C4orf17: variants seen among roughly 807,000 people sequenced by gnomAD.
C4orf17 encodes the protein chromosome 4 open reading frame 17.
Under a neutral mutation model 32.0 loss-of-function variants are expected in C4orf17, and 25 were observed. That is an observed-to-expected ratio of 0.78 (90% CI 0.57 to 1.09). C4orf17 has a LOEUF of 1.09. Among genes scored for constraint, C4orf17 ranks in the 50% least tolerant of loss-of-function variants. The pLI is 0.00. For synonymous variants in C4orf17, 149 were observed against 145.8 expected, an observed-to-expected ratio of 1.02 and a Z score of -0.16; for missense variants, 420 against 420.0, an observed-to-expected ratio of 1.00 and a Z score of 0.00.
chr4:99,513,498 G>A (rs1723129356), intron 2 of C4orf17, among the ~76,000 whole-genome samples: 1 of 152,140 alleles, frequency 6.6e-6, no homozygotes, highest in Non-Finnish European at 1.5e-5. Flanking sequence ...GACCACTCAG[G>A]GAGCTCAGGG....
chr4:99,513,218 C>A lies in C4orf17; in HGVS notation c.127+10C>A. Reference sequence around the variant, plus strand: ...GTCTGCCACATCAAAGGTAAGGTGACTTAAGGTCCTAGTATGTGTCTCTAT... The same window carrying A: ...GTCTGCCACATCAAAGGTAAGGTGAATTAAGGTCCTAGTATGTGTCTCTAT... On this transcript the variant is annotated intron_variant, in intron 2 of 8. Transcript: ENST00000326581. The A allele has an allele frequency of 6.2e-7, 1 of 1,613,670 alleles. No homozygotes were observed. The highest frequency in any genetic ancestry group is 8.5e-7 in the Non-Finnish European group (1 of 1,179,674).
chr4:99,529,792 G>A (rs778119354), intron 4 of C4orf17, 23 bp from the exon 5 acceptor site: 2 of 1,578,350 alleles, frequency 1.3e-6, no homozygotes, highest in African/African-American at 1.4e-5. Flanking sequence ...ATGTATATTG[G>A]TTATATTATA....
intron 2 of C4orf17, among the ~76,000 whole-genome samples, chr4:99,520,377 G>A (rs1723266411): frequency 6.6e-6 from 1 of 152,106 alleles, no homozygotes; most frequent in South Asian, 2.1e-4. Flanking sequence ...TTACAGGCGT[G>A]AGCCACCGCA....
intron 1 of C4orf17, among the ~76,000 whole-genome samples, chr4:99,511,555 C>G (rs113227503): frequency 0.048 from 7,362 of 151,906 alleles, 307 homozygotes; most frequent in Middle Eastern, 0.13. Context: ...AATAGACAAA[C>G]AGACTGAAAT....
At chr4:99,540,557 A>G (rs1477658229) in intron 8 of C4orf17, 102 bp downstream of exon 8, 3 of 725,148 alleles carry the variant, frequency 4.1e-6, no homozygotes, top group Non-Finnish European at 4.8e-6. Context: ...TTAAAAAAAC[A>G]GAAAAATACA....
Position 99,537,765 on chromosome 4 carries a change from T to C in C4orf17, c.628+15T>C, listed in dbSNP as rs914499026. ...AACTTCAAAAGGTGCGATTAAGATA[T>C]AAATTTTAAAACACTGAGCTCAATT... On this transcript the variant is annotated intron_variant, in intron 6 of 8. Transcript: ENST00000326581. 3.1e-6 allele frequency: 5 copies of C among 1,587,398 alleles called. No individual in the cohort carries two copies. Among genetic ancestry groups the C allele is most frequent in the African/African-American group, 1.3e-5 (1 of 74,474 alleles).
intron 3 of C4orf17, among the ~76,000 whole-genome samples, chr4:99,524,134 C>T (rs544329148): frequency 3.5e-4 from 53 of 152,022 alleles, no homozygotes; most frequent in East Asian, 7.7e-4. Flanking sequence ...CGCCCGCCAC[C>T]ACGCCCGGCT....
At chr4:99,519,340 G>A (rs1433817780) in intron 2 of C4orf17, 1 of 152,266 alleles carries the variant, frequency 6.6e-6, no homozygotes, top group Admixed American at 6.5e-5. Flanking sequence ...GGAGCTGAGA[G>A]CCTAGGTGCT....
In C4orf17 at chr4:99,535,417, C is replaced by T. The variant is rs191920989; in HGVS notation, c.547-2252C>T. On this transcript the variant is annotated intron_variant, in intron 5 of 8. Coordinates refer to ENST00000326581, the MANE Select transcript of C4orf17 (RefSeq NM_032149.3). ...TCTTTTTACATAATCCCACATTTCTCGGAGGTTTTGCTTATTCCTTTTCAT... is the reference window on the plus strand; with the variant it reads ...TCTTTTTACATAATCCCACATTTCTTGGAGGTTTTGCTTATTCCTTTTCAT... Among the ~76,000 whole-genome samples, 910 of 152,084 alleles carry T rather than the reference C, an allele frequency of 6.0e-3. 6 individuals are homozygous for T. Among genetic ancestry groups the T allele is most frequent in the African/African-American group, 0.019 (809 of 41,496 alleles).
chr4:99,540,015 T>C (rs1424329631), intron 7 of C4orf17, among the ~76,000 whole-genome samples: 1 of 152,134 alleles, frequency 6.6e-6, no homozygotes, highest in East Asian at 1.9e-4. Flanking sequence ...GAAAATCTTG[T>C]TGCTTTAAAA....
At chr4:99,523,976 CTTTTTT>C (rs34303512) in intron 3 of C4orf17, among the ~76,000 whole-genome samples, 3,530 of 114,144 alleles carry the variant, frequency 0.031, 97 homozygotes, top group Middle Eastern at 0.11. Flanking sequence ...AAAATATATA[CTTTTTT>C]TTTTTTTTTT....
In C4orf17 at chr4:99,522,351, T is replaced by TC; in HGVS notation, c.128-149_128-148insC. 8 of 643,398 alleles carry TC rather than the reference T, an allele frequency of 1.2e-5. No individual in the cohort carries two copies. The South Asian group carries it at 1.4e-4, about 11-fold the overall frequency. The allele number at this position is 643,398 out of a possible 1,614,324, so 39.9% of individuals were successfully genotyped here. A position where few individuals can be genotyped will look rare whatever the true frequency, so the allele number is the denominator to read the frequency against. On this transcript the variant is annotated intron_variant, in intron 2 of 8. Coordinates refer to ENST00000326581, the MANE Select transcript of C4orf17 (RefSeq NM_032149.3). ...CTTGCACTGGTTCATAATACAATTT[T>TC]TTTTTTTGGTTTATACAATTTGAAG... is the stretch of plus-strand genomic sequence containing the variant.
intron 1 of C4orf17, among the ~76,000 whole-genome samples, chr4:99,511,965 G>A (rs1723100435): frequency 6.6e-6 from 1 of 152,032 alleles, no homozygotes; most frequent in Non-Finnish European, 1.5e-5. Flanking sequence ...ATATTCTGTG[G>A]CAACAAGTCT....
intron 2 of C4orf17, among the ~76,000 whole-genome samples, chr4:99,513,801 A>C (rs1723134196): frequency 6.6e-6 from 1 of 152,080 alleles, no homozygotes; most frequent in Non-Finnish European, 1.5e-5. Context: ...AGTTCAATGG[A>C]GCTTGGATTG....
intron 2 of C4orf17, among the ~76,000 whole-genome samples, chr4:99,515,366 A>G (rs1723163263): frequency 6.6e-6 from 1 of 152,222 alleles, no homozygotes; most frequent in Non-Finnish European, 1.5e-5. Flanking sequence ...CTCTGCAGCC[A>G]TAAAAAGAAT....
intron 3 of C4orf17, among the ~76,000 whole-genome samples, chr4:99,524,229 C>T (rs1034164347): frequency 3.3e-5 from 5 of 152,054 alleles, no homozygotes; most frequent in African/African-American, 4.8e-5. Flanking sequence ...GATCCGCCCG[C>T]CTTGGCCTCC....
chr4:99,516,855 C>T (rs200522854), intron 2 of C4orf17, among the ~76,000 whole-genome samples: 1 of 152,104 alleles, frequency 6.6e-6, no homozygotes, highest in Non-Finnish European at 1.5e-5. Flanking sequence ...TCCTCGGGGC[C>T]CCTCTTCAGC....
At chr4:99,538,259 C>T (rs541782535) in intron 6 of C4orf17, among the ~76,000 whole-genome samples, 35 of 152,332 alleles carry the variant, frequency 2.3e-4, no homozygotes, top group Middle Eastern at 6.8e-3. Flanking sequence ...ACATGCCATT[C>T]CCAATCGGGA....
chr4:99,518,571 AGAGAGAGAGAG>A (rs1560585613), intron 2 of C4orf17, among the ~76,000 whole-genome samples: 123 of 128,644 alleles, frequency 9.6e-4, no homozygotes, highest in African/African-American at 3.8e-3. Flanking sequence ...AGAGAGAGAG[AGAGAGAGAGAG>A]AGGGAGGGAG....
Sources: allele counts gnomAD v4.1 joint callset (sites outside exome capture counted in the v4.1 genomes callset), GRCh38; gene constraint gnomAD v4.1.1; transcripts MANE v1.5; gene names NCBI Gene and HGNC (gene_info 2026-07-23, HGNC 2026-07-21).